Variants in LBHD1 observed in about 807,000 individuals in gnomAD.
LBHD1 encodes LBH domain-containing protein 1.
In LBHD1, 28 loss-of-function variants were observed where a neutral mutation model predicts 31.1. That is an observed-to-expected ratio of 0.90 (90% CI 0.67 to 1.24). The LOEUF (loss-of-function observed/expected upper bound fraction) is 1.24. LBHD1 is among the 50% of genes most tolerant of loss of function. LBHD1 has a pLI of 0.00. For missense variants in LBHD1, 350 were observed against 323.0 expected (o/e 1.08, Z -0.64); for synonymous variants, 105 against 116.5 (o/e 0.90, Z 0.63).
chr11:62,667,615 TTGG>T lies in LBHD1; in HGVS notation c.443_445del (p.Thr148del), dbSNP rs1157558498. 1.2e-6 allele frequency: 2 copies of T among 1,614,034 alleles called. No individual in the cohort carries two copies. The highest frequency in any genetic ancestry group is 1.7e-6 in the Non-Finnish European group (2 of 1,180,014). The stretch of plus-strand genomic sequence containing the variant: ...TGTTGAGTCCCAGAAGGGACAGTGG[TTGG>T]TGGCTTCCAGACATGCTGTGTCCTC... On this transcript the variant is annotated inframe_deletion, in exon 4 of 7. Transcript: ENST00000354588.
At chr11:62,669,603 A>C (rs768183851) in intron 3 of LBHD1, 38 bp downstream of exon 3, 1 of 1,587,300 alleles carries the variant, frequency 6.3e-7, no homozygotes, top group Non-Finnish European at 8.6e-7. Flanking sequence ...CAGAACATTC[A>C]GCTCACAGTG....
At chr11:62,671,036 C>T (rs1944929680) in intron 1 of LBHD1, 1 of 264,114 alleles carries the variant, frequency 3.8e-6, no homozygotes, top group Non-Finnish European at 7.7e-6. Flanking sequence ...GAAGTCGAGG[C>T]TTCAGTGAGC....
At chr11:62,666,358 G>A (rs368591897) in intron 4 of LBHD1, 4 of 1,599,548 alleles carry the variant, frequency 2.5e-6, no homozygotes, top group Non-Finnish European at 1.7e-6. Flanking sequence ...TTGCAGTGGC[G>A]ACATAGACCA....
At chr11:62,665,378 T>C (rs999250449) in intron 4 of LBHD1, 11 of 1,059,864 alleles carry the variant, frequency 1.0e-5, no homozygotes, top group Non-Finnish European at 1.4e-5. Context: ...CGGCCGGGAG[T>C]GGTGGGGGTG....
Position 62,667,518 on chromosome 11 carries a change from C to T in LBHD1, c.538+5G>A, listed in dbSNP as rs775793113. 52 of 1,611,516 alleles carry T rather than the reference C, an allele frequency of 3.2e-5. No homozygotes were observed. The South Asian group carries it at 4.4e-4, about 14-fold the overall frequency. ...GATATTTGAGGGGGAGGGAACAATACTTACCCTCAAAGCTATTAGGAGGCA... is the reference window on the plus strand; with the variant it reads ...GATATTTGAGGGGGAGGGAACAATATTTACCCTCAAAGCTATTAGGAGGCA... On this transcript the variant is annotated splice_donor_5th_base_variant and intron_variant, in intron 4 of 6. Coordinates refer to ENST00000354588, the MANE Select transcript of LBHD1 (RefSeq NM_024099.5).
rs1244831499 is a variant in LBHD1 at position 62,671,983 on chromosome 11, G to A, written c.-430C>T. On this transcript the variant is annotated 5_prime_UTR_variant, in exon 1 of 7. Transcript: ENST00000354588. ...GCCACTGCAGGACCCAAGGAGCAGGGAGGAGGCGGCCAGGACCCAGCAGCT... is the reference window on the plus strand; with the variant it reads ...GCCACTGCAGGACCCAAGGAGCAGGAAGGAGGCGGCCAGGACCCAGCAGCT... 6.2e-6 allele frequency: 10 copies of A among 1,613,994 alleles called. No individual in the cohort carries two copies. Among genetic ancestry groups the A allele is most frequent in the Non-Finnish European group, 8.5e-6 (10 of 1,180,010 alleles).
At position 62,671,604 on chromosome 11, in the gene LBHD1, CA is replaced by C. The variant is rs1422289059; in HGVS notation, c.-52del. 2.7e-6 allele frequency: 4 copies of C among 1,491,210 alleles called. No homozygotes were observed. Among genetic ancestry groups the C allele is most frequent in the Non-Finnish European group, 3.5e-6 (4 of 1,128,758 alleles). The allele number at this position is 1,491,210 out of a possible 1,614,324, so 92.4% of individuals were successfully genotyped here. Reference sequence around the variant, plus strand: ...TCCGGATTCCAAACGTTTCCTCGAGCAGGTCCTCTCTAGCCGGCCGCTTATC... The same window carrying C: ...TCCGGATTCCAAACGTTTCCTCGAGCGGTCCTCTCTAGCCGGCCGCTTATC... On this transcript the variant is annotated 5_prime_UTR_variant, in exon 1 of 7. Transcript: ENST00000354588.
intron 1 of LBHD1, 100 bp downstream of exon 1, chr11:62,671,464 C>T: frequency 7.5e-7 from 1 of 1,330,892 alleles, no homozygotes; most frequent in Non-Finnish European, 9.7e-7. Context: ...GACACGCACT[C>T]TCCCCCTAGC....
In LBHD1 at chr11:62,666,426, G is replaced by A. The variant is rs72927292; in HGVS notation, c.538+1097C>T. 7,678 of 1,611,784 alleles carry A rather than the reference G, an allele frequency of 4.8e-3. 42 individuals carry two copies. The highest frequency in any genetic ancestry group is 5.5e-3 in the Non-Finnish European group (6,527 of 1,179,992). ...CTGGCTGATAGTTGCCTGGCGGACC[G>A]CTGTCTCTGGGATCGGCTGCATGCC... On this transcript the variant is annotated intron_variant, in intron 4 of 6. Coordinates refer to ENST00000354588, the MANE Select transcript of LBHD1 (RefSeq NM_024099.5).
chr11:62,669,661 TG>T lies in LBHD1; in HGVS notation c.292del (p.Gln98LysfsTer20). On this transcript the variant is annotated frameshift_variant, in exon 3 of 7. Transcript: ENST00000354588. LOFTEE classifies it high-confidence loss of function. ...GEEEDAEAFF[Q>X]DQSEEPGWAW... is the part of the protein sequence containing the mutation. ...CTCACCTGGCTCTTCACTTTGGTCT[TG>T]GAAGAAGGCCTCAGCATCCTCTTCC... 2 of 1,613,908 alleles carry T rather than the reference TG, an allele frequency of 1.2e-6. No homozygotes were observed. Among genetic ancestry groups the T allele is most frequent in the South Asian group, 2.2e-5 (2 of 91,062 alleles).
chr11:62,666,050 C>T lies in LBHD1; in HGVS notation c.539-1077G>A, dbSNP rs140705390. The T allele has an allele frequency of 9.0e-4, 1,185 of 1,313,470 alleles. 1 individual carries two copies. Among genetic ancestry groups the T allele is most frequent in the Non-Finnish European group, 1.2e-3 (1,102 of 949,636 alleles). 81.4% of individuals were successfully genotyped at this position (1,313,470 alleles called of 1,614,324 possible). A position where few individuals can be genotyped will look rare whatever the true frequency, so the allele number is the denominator to read the frequency against. On this transcript the variant is annotated intron_variant, in intron 4 of 6. Transcript: ENST00000354588. ...GAGTGTAGTCCCTGAAATTGTGATTCTCAAACCCTACGGTGGGCCGTGCGT... is the reference window on the plus strand; with the variant it reads ...GAGTGTAGTCCCTGAAATTGTGATTTTCAAACCCTACGGTGGGCCGTGCGT...
In LBHD1 at chr11:62,671,754, C is replaced by T. The variant is rs1456335866; in HGVS notation, c.-201G>A. 3.7e-6 allele frequency: 6 copies of T among 1,613,766 alleles called. No individual in the cohort carries two copies. The Admixed American group carries it at 6.7e-5, about 18-fold the overall frequency. On this transcript the variant is annotated 5_prime_UTR_variant, in exon 1 of 7. Transcript: ENST00000354588. Reference sequence around the variant, plus strand: ...TGGCTGTGCAGGCGGCCATGGATTCCTTGCGGAAAATGCTGATCTCAGTCG... The same window carrying T: ...TGGCTGTGCAGGCGGCCATGGATTCTTTGCGGAAAATGCTGATCTCAGTCG...
chr11:62,665,788 G>A (rs1381053975), intron 4 of LBHD1: 4 of 1,551,206 alleles, frequency 2.6e-6, no homozygotes, highest in Non-Finnish European at 3.5e-6. Flanking sequence ...CGCGGAATTT[G>A]CAGATCTTCC....
At chr11:62,666,371 T>G (rs564510578) in intron 4 of LBHD1, 1 of 1,603,374 alleles carries the variant, frequency 6.2e-7, no homozygotes, top group South Asian at 1.1e-5. Context: ...ATAGACCAAG[T>G]GACACCCTCC....
intron 4 of LBHD1, 40 bp from the exon 5 acceptor site, chr11:62,665,013 G>T (rs751030617): frequency 4.4e-6 from 7 of 1,602,578 alleles, no homozygotes; most frequent in Non-Finnish European, 5.9e-6. Context: ...GAGTGGGCTC[G>T]CCGCGACCCG....
intron 4 of LBHD1, chr11:62,667,182 T>C: frequency 1.1e-6 from 1 of 923,430 alleles, no homozygotes; most frequent in Non-Finnish European, 1.6e-6. Context: ...CTGGGTGCCA[T>C]ATTGCTGAAT....
chr11:62,666,620 C>G, intron 4 of LBHD1: 2 of 1,614,194 alleles, frequency 1.2e-6, no homozygotes, highest in Non-Finnish European at 1.7e-6. Context: ...CACCAAATCT[C>G]CACACCCAGT....
At position 62,667,731 on chromosome 11, in the gene LBHD1, T is replaced by G. The variant is rs1944858027; in HGVS notation, c.330A>C (p.Pro110=). Residue 110 remains proline, a synonymous_variant, in exon 4 of 7, where the codon CCA becomes CCC. Coordinates refer to ENST00000354588, the MANE Select transcript of LBHD1 (RefSeq NM_024099.5). ...QSEEPGWAWS[P]QDPRSPLRTF... is the part of the protein sequence containing the mutation. ...TTCTTAAAGGACTTCTAGGGTCCTG[T>G]GGGCTCCAAGCCCAGCCTGGGATGG... 6.2e-7 allele frequency: 1 copy of G among 1,609,092 alleles called. No homozygotes were observed.
rs1481111979 is a variant in LBHD1, at chr11:62,670,051, C to T, written c.-10-10G>A. The T allele has an allele frequency of 6.3e-7, 1 of 1,594,962 alleles. No homozygotes were observed. The highest frequency in any genetic ancestry group is 8.5e-7 in the Non-Finnish European group (1 of 1,170,394). On this transcript the variant is annotated splice_polypyrimidine_tract_variant and intron_variant, in intron 1 of 6. Transcript: ENST00000354588. ...GGCCATGGTGGTGATTCTTAGAGTGCAAGATGATTGAACTCAGAGGAGAGT... is the reference window on the plus strand; with the variant it reads ...GGCCATGGTGGTGATTCTTAGAGTGTAAGATGATTGAACTCAGAGGAGAGT...
Sources: allele counts gnomAD v4.1 joint callset, GRCh38; gene constraint gnomAD v4.1.1; transcripts MANE v1.5; gene names NCBI Gene and HGNC (gene_info 2026-07-23, HGNC 2026-07-21).